EP400: variants seen among roughly 807,000 people sequenced by gnomAD.
The protein encoded by EP400 is E1A binding protein p400.
Under a neutral mutation model 354.1 loss-of-function variants are expected in EP400, and 105 were observed. That is an observed-to-expected ratio of 0.30 (90% CI 0.25 to 0.35). EP400 has a LOEUF of 0.35. Ranked by LOEUF, EP400 falls within the 10% of genes least tolerant of loss-of-function variation. EP400 has a pLI of 1.00. For synonymous variants in EP400, 1,646 were observed against 1,716.9 expected (o/e 0.96, Z 1.02); for missense variants, 3,280 against 4,121.0 (o/e 0.80, Z 5.59).
intron 22 of EP400, among the ~76,000 whole-genome samples, 182 bp from the exon 23 acceptor site, chr12:132,020,897 G>A (rs539974091): frequency 6.6e-6 from 1 of 152,356 alleles, no homozygotes; most frequent in Non-Finnish European, 1.5e-5. Flanking sequence ...TTATCAACAA[G>A]TAAAATTATA....
At chr12:132,007,206 G>A (rs942717816) in intron 15 of EP400, among the ~76,000 whole-genome samples, 2 of 152,254 alleles carry the variant, frequency 1.3e-5, no homozygotes, top group African/African-American at 4.8e-5. Context: ...CTTCTAGACT[G>A]GCATGAACCC....
intron 2 of EP400, among the ~76,000 whole-genome samples, chr12:131,979,160 T>C (rs1593321793): frequency 6.7e-6 from 1 of 148,522 alleles, no homozygotes; most frequent in South Asian, 2.1e-4. Context: ...GAGGTTGCAC[T>C]GAGATCCCGC....
At position 132,029,609 on chromosome 12, in the gene EP400, T is replaced by C; in HGVS notation, c.5382-92T>C. 7.2e-7 allele frequency: 1 copy of C among 1,384,632 alleles called. No homozygotes were observed. Among genetic ancestry groups the C allele is most frequent in the Non-Finnish European group, 1.0e-6 (1 of 995,836 alleles). The allele number at this position is 1,384,632 out of a possible 1,614,324, so 85.8% of individuals were successfully genotyped here. ...CCCTGCTGTTTCCTGGGACTTGGACTGTCAGAAGTCTGCCCCATCTTTCAG... is the reference window on the plus strand; with the variant it reads ...CCCTGCTGTTTCCTGGGACTTGGACCGTCAGAAGTCTGCCCCATCTTTCAG... On this transcript the variant is annotated intron_variant, in intron 27 of 52. Transcript: ENST00000389561. This position sits in a 1 kb window ranked among gnomAD's most constrained non-coding sequence, Gnocchi z 4.7.
chr12:131,998,524 C>T (rs1439150339), intron 12 of EP400, among the ~76,000 whole-genome samples: 1 of 151,578 alleles, frequency 6.6e-6, no homozygotes, highest in Non-Finnish European at 1.5e-5. Context: ...AAAAGTTGTG[C>T]TAAATGGTAT....
In EP400 at chr12:132,062,182, A is replaced by G. The variant is rs773993972; in HGVS notation, c.7957A>G (p.Thr2653Ala). ...GCCACGGGCAGTCGGCTCCCCAGCC[A>G]CGGCGACCCCTGACCTGGTGTCCAT... ...PPPRAVGSPA[T>A]ATPDLVSMAT... Residue 2653 changes from threonine to alanine, a missense_variant, in exon 46 of 53, where the codon ACG (threonine) becomes GCG (alanine). Around this residue, in one of 20 missense-constraint regions of EP400, gnomAD observed 255 missense variants for 295.9 expected, o/e 0.86. Transcript: ENST00000389561. The G allele has an allele frequency of 1.2e-6, 2 of 1,614,042 alleles. No homozygotes were observed. The highest frequency in any genetic ancestry group is 1.1e-5 in the South Asian group (1 of 91,082).
rs899404467 is a variant in EP400, at chr12:132,005,571, C to G, written c.2935+387C>G. Reference sequence around the variant, plus strand: ...CACAGAGCATACCAGAAAAGGTCTGCCTTTCCTGCTCTCATTCCAGTTGTT... The same window carrying G: ...CACAGAGCATACCAGAAAAGGTCTGGCTTTCCTGCTCTCATTCCAGTTGTT... On this transcript the variant is annotated intron_variant, in intron 13 of 52. Transcript: ENST00000389561. 3.9e-5 allele frequency among the ~76,000 whole-genome samples: 6 copies of G among 152,260 alleles called. No individual in the cohort carries two copies. The East Asian group carries it at 1.2e-3, about 29-fold the overall frequency.
Position 131,960,997 on chromosome 12 carries a change from C to G in EP400, c.378C>G (p.Pro126=). The G allele has an allele frequency of 6.2e-7, 1 of 1,605,186 alleles. No homozygotes were observed. Among genetic ancestry groups the G allele is most frequent in the South Asian group, 1.1e-5 (1 of 90,304 alleles). The change falls in exon 2 of 53, where the codon CCC becomes CCG. Residue 126 remains proline (P), a synonymous_variant. Coordinates refer to ENST00000389561, the MANE Select transcript of EP400 (RefSeq NM_015409.5). The stretch of plus-strand genomic sequence containing the variant: ...CATCATACATTCAGGTCACGTCCCC[C>G]TTGTCCCAGCAGGTCCAGACCCAGA... The part of the protein sequence containing the change: ...GSPSYIQVTS[P]LSQQVQTQSP...
chr12:132,051,964 C>A (rs751168134), intron 41 of EP400, among the ~76,000 whole-genome samples: 1 of 152,190 alleles, frequency 6.6e-6, no homozygotes, highest in African/African-American at 2.4e-5. Context: ...TGGCCCTGTC[C>A]GGGCATAACA....
Position 132,013,989 on chromosome 12 carries a change from A to G in EP400, c.3923+76A>G. ...GGAAAACGGCCCTTTCTGTGGCCTC[A>G]GCAGAAAGCTCCTTTCCGCAAGGAT... On this transcript the variant is annotated intron_variant, in intron 19 of 52. Transcript: ENST00000389561. This position sits in a 1 kb window ranked among gnomAD's most constrained non-coding sequence, Gnocchi z 4.5. 6.4e-7 allele frequency: 1 copy of G among 1,565,168 alleles called. No individual in the cohort carries two copies.
Position 132,018,086 on chromosome 12 carries a change from G to C in EP400, c.4111-124G>C. On this transcript the variant is annotated intron_variant, in intron 20 of 52. Coordinates refer to ENST00000389561, the MANE Select transcript of EP400 (RefSeq NM_015409.5). The surrounding 1 kb of genome is among the most constrained non-coding windows in gnomAD (Gnocchi z 4.0). ...GCACGGAGGAGGGTCTGCTTGCCGA[G>C]TGGCCGTTAGAGGGGGCGCGTCTGG... 8.4e-7 allele frequency: 1 copy of C among 1,194,362 alleles called. No homozygotes were observed. The highest frequency in any genetic ancestry group is 1.2e-6 in the Non-Finnish European group (1 of 843,722). 74.0% of individuals were successfully genotyped at this position (1,194,362 alleles called of 1,614,324 possible).
Position 132,050,886 on chromosome 12 carries a change from C to T in EP400, c.7394+231C>T. On this transcript the variant is annotated intron_variant, in intron 41 of 52. Coordinates refer to ENST00000389561, the MANE Select transcript of EP400 (RefSeq NM_015409.5). The surrounding 1 kb of genome is among the most constrained non-coding windows in gnomAD (Gnocchi z 4.8). ...TGTTACAGGGATTGTCCTTGCTGGC[C>T]CTCAGTGGGGAAAGACGCTGACAGA... The T allele has an allele frequency of 1.7e-6, 1 of 591,226 alleles. No individual in the cohort carries two copies. The allele number at this position is 591,226 out of a possible 1,614,324, so 36.6% of individuals were successfully genotyped here. A position where few individuals can be genotyped will look rare whatever the true frequency, so the allele number is the denominator to read the frequency against.
At chr12:132,066,669 A>C (rs183347330) in intron 48 of EP400, 105 bp from the exon 49 acceptor site, 563 of 1,224,464 alleles carry the variant, frequency 4.6e-4, no homozygotes, top group Admixed American at 1.1e-3. Context: ...AACTTTGTTG[A>C]TCTTTGTAAA....
intron 39 of EP400, among the ~76,000 whole-genome samples, chr12:132,047,947 C>T (rs1218763436): frequency 6.6e-6 from 1 of 152,200 alleles, no homozygotes; most frequent in African/African-American, 2.4e-5. Flanking sequence ...AAAAAGAATT[C>T]AACGAATTCA....
intron 1 of EP400, among the ~76,000 whole-genome samples, chr12:131,951,641 TC>T (rs925818830): frequency 9.2e-5 from 14 of 151,922 alleles, no homozygotes; most frequent in Admixed American, 9.2e-4. Flanking sequence ...TCACTCTGTC[TC>T]CCAGGCTGGA....
chr12:132,064,163 C>G (rs556425966), intron 47 of EP400, among the ~76,000 whole-genome samples: 105 of 152,206 alleles, frequency 6.9e-4, no homozygotes, highest in African/African-American at 2.4e-3. Flanking sequence ...CCGTCAACAT[C>G]AAGGCTGCCA....
rs1895268226 is a variant in EP400 at position 132,050,969 on chromosome 12, C to G, written c.7394+314C>G. On this transcript the variant is annotated intron_variant, in intron 41 of 52. Coordinates refer to ENST00000389561, the MANE Select transcript of EP400 (RefSeq NM_015409.5). The surrounding 1 kb of genome is among the most constrained non-coding windows in gnomAD (Gnocchi z 4.8). ...CACAAGGGGCTTTCTTCCTCACACC[C>G]CACCTCTCAGGCACTGATTTTGTTC... 4.1e-6 allele frequency: 2 copies of G among 487,064 alleles called. No homozygotes were observed. Among genetic ancestry groups the G allele is most frequent in the South Asian group, 4.6e-5 (2 of 43,326 alleles). 30.2% of individuals were successfully genotyped at this position (487,064 alleles called of 1,614,324 possible).
chr12:132,023,991 TCACCATGAGCCCTGCTGCC>T, intron 24 of EP400, 50 bp downstream of exon 24: 1 of 1,498,462 alleles, frequency 6.7e-7, no homozygotes, highest in Non-Finnish European at 8.9e-7. Flanking sequence ...CAAAAGCGCC[TCACCATGAGCCCTGCTGCC>T]CACGGGCCTG....
At chr12:132,039,045 C>T (rs1306736721) in intron 32 of EP400, among the ~76,000 whole-genome samples, 1 of 152,058 alleles carries the variant, frequency 6.6e-6, no homozygotes, top group Non-Finnish European at 1.5e-5. Flanking sequence ...CTACACAGCC[C>T]CTCAGCACCT....
Position 132,077,887 on chromosome 12 carries a change from C to T in EP400, c.*214C>T, listed in dbSNP as rs1255348452. 5 of 648,624 alleles carry T rather than the reference C, an allele frequency of 7.7e-6. No individual in the cohort carries two copies. The highest frequency in any genetic ancestry group is 4.3e-4 in the Middle Eastern group (1 of 2,302). The allele number at this position is 648,624 out of a possible 1,614,324, so 40.2% of individuals were successfully genotyped here. A position where few individuals can be genotyped will look rare whatever the true frequency, so the allele number is the denominator to read the frequency against. ...GCCGCGTTCTCTGTACTACGTGGCT[C>T]ATGGAAAAAGTGACAACATGGCTTC... On this transcript the variant is annotated 3_prime_UTR_variant, in exon 53 of 53. Transcript: ENST00000389561.
Sources: gnomAD v4.1 joint callset for allele counts (sites outside exome capture counted in the v4.1 genomes callset) on GRCh38, gnomAD v4.1.1 for gene constraint, gnomAD v4.1.1 regional missense constraint, Gnocchi (gnomAD v3.1) non-coding constraint, MANE v1.5 for transcripts, NCBI Gene and HGNC (gene_info 2026-07-23, HGNC 2026-07-21) for gene names.